Variants in TET2 observed in about 807,000 individuals in gnomAD.
TET2 encodes the protein tet methylcytosine dioxygenase 2, also known as methylcytosine dioxygenase TET2.
TET2 carries 299 observed loss-of-function variants against 142.9 expected under a neutral mutation model. The ratio of observed to expected loss-of-function variants is 2.09; its 90% confidence interval spans 1.90 to 2.30. The LOEUF (loss-of-function observed/expected upper bound fraction) is 2.30, where lower values mean the gene tolerates loss of function less well. TET2 is among the 30% of genes most tolerant of loss of function. The probability of loss-of-function intolerance (pLI) is 0.00; values close to 1 mark genes in which losing one functional copy is unlikely to be tolerated. For synonymous variants in TET2, 819 were observed against 849.0 expected, an observed-to-expected ratio of 0.96 and a Z score of 0.61; for missense variants, 2,418 against 2,378.0, an observed-to-expected ratio of 1.02 and a Z score of -0.35.
chr4:105,237,667 C>T, intron 3 of TET2: 1 of 1,381,718 alleles, frequency 7.2e-7, no homozygotes, highest in East Asian at 2.9e-5. Flanking sequence ...TGTATATTAT[C>T]TCCTGGAGAG....
In TET2 at chr4:105,166,539, A is replaced by G. The variant is rs534539932; in HGVS notation, c.-193+19560A>G. On this transcript the variant is annotated intron_variant, in intron 1 of 10. Transcript: ENST00000380013. The stretch of plus-strand genomic sequence containing the variant: ...TCTCATTTTTCTCCTGGCTATGTCT[A>G]TTATTGCTTTAGTCTCATGTCTTTG... 2.6e-5 allele frequency among the ~76,000 whole-genome samples: 4 copies of G among 151,300 alleles called. No homozygotes were observed. In the South Asian group the frequency reaches 6.2e-4, roughly 24 times the overall value.
intron 1 of TET2, among the ~76,000 whole-genome samples, chr4:105,167,247 G>A (rs1001630061): frequency 2.9e-4 from 44 of 151,486 alleles, no homozygotes; most frequent in Admixed American, 2.0e-3. Context: ...AGCCTATTTC[G>A]TGGCTCAAAT....
intron 1 of TET2, among the ~76,000 whole-genome samples, chr4:105,149,093 T>A (rs1723176560): frequency 6.6e-6 from 1 of 152,238 alleles, no homozygotes; most frequent in African/African-American, 2.4e-5. Flanking sequence ...ATGCTGTTCA[T>A]GGTAAACTAT....
At chr4:105,274,830 A>T (rs554710081) in intron 10 of TET2, among the ~76,000 whole-genome samples, 11 of 149,842 alleles carry the variant, frequency 7.3e-5, no homozygotes, top group African/African-American at 2.7e-4. Context: ...TGTTTATTAC[A>T]TTTTTTTTTT....
intron 2 of TET2, among the ~76,000 whole-genome samples, chr4:105,230,673 T>C (rs1189207326): frequency 6.6e-6 from 1 of 152,208 alleles, no homozygotes; most frequent in Admixed American, 6.5e-5. Context: ...TTTTTTAGTA[T>C]GTGGTTATTC....
intron 2 of TET2, among the ~76,000 whole-genome samples, chr4:105,218,299 C>G (rs140817209): frequency 7.8e-4 from 119 of 152,150 alleles, no homozygotes; most frequent in African/African-American, 1.9e-3. Context: ...AAGGACAGTA[C>G]TGATAAGGAG....
Position 105,236,101 on chromosome 4 carries a change from A to C in TET2, c.2159A>C (p.Gln720Pro), listed in dbSNP as rs919320943. The C allele has an allele frequency of 1.9e-6, 3 of 1,614,168 alleles. No homozygotes were observed. Among genetic ancestry groups the C allele is most frequent in the Non-Finnish European group, 2.5e-6 (3 of 1,180,022 alleles). The change falls in exon 3 of 11, where the codon CAA becomes CCA. Residue 720 changes from glutamine (Q) to proline (P), a missense_variant. Gln to Pro is a moderately conservative substitution (Grantham distance 76, BLOSUM62 -1). Coordinates refer to ENST00000380013, the MANE Select transcript of TET2 (RefSeq NM_001127208.3). The stretch of plus-strand genomic sequence containing the variant: ...CCATTTTCAAACTCACACCTTTTGC[A>C]ACATAAGCCTCATAAACAGGCAGCA... Reference protein sequence around the residue: ...TEPFSNSHLLQHKPHKQAAQT... With the variant: ...TEPFSNSHLLPHKPHKQAAQT...
chr4:105,235,475 C>T lies in TET2; in HGVS notation c.1533C>T (p.His511=). The T allele has an allele frequency of 3.7e-6, 6 of 1,614,160 alleles. No homozygotes were observed. The highest frequency in any genetic ancestry group is 5.1e-6 in the Non-Finnish European group (6 of 1,180,022). Reference sequence around the variant, plus strand: ...AGAAAACAAGACCAATGTCAGAACACCTCAAGCATAACCCACCAATTTTTG... The same window carrying T: ...AGAAAACAAGACCAATGTCAGAACATCTCAAGCATAACCCACCAATTTTTG... ...CSEKTRPMSE[H]LKHNPPIFGS... Residue 511 remains histidine, a synonymous_variant, in exon 3 of 11, where the codon CAC becomes CAT. Coordinates refer to ENST00000380013, the MANE Select transcript of TET2 (RefSeq NM_001127208.3).
At chr4:105,227,761 G>C (rs1205126902) in intron 2 of TET2, among the ~76,000 whole-genome samples, 2 of 152,010 alleles carry the variant, frequency 1.3e-5, no homozygotes, top group African/African-American at 2.4e-5. Flanking sequence ...ATATTTATCT[G>C]AAAAACAGTT....
intron 1 of TET2, among the ~76,000 whole-genome samples, chr4:105,152,594 CTTTCTTT>C: frequency 1.0e-5 from 1 of 95,320 alleles, no homozygotes; most frequent in Admixed American, 1.2e-4. Flanking sequence ...TTCTTTCTTT[CTTTCTTT>C]TTTTTTTTTT....
At chr4:105,253,788 A>G (rs142733649) in intron 6 of TET2, among the ~76,000 whole-genome samples, 216 of 152,224 alleles carry the variant, frequency 1.4e-3, no homozygotes, top group Non-Finnish European at 2.4e-3. Flanking sequence ...TTTACATTAA[A>G]TATGTTAGCT....
At chr4:105,249,545 T>C (rs1345932054) in intron 6 of TET2, among the ~76,000 whole-genome samples, 1 of 152,244 alleles carries the variant, frequency 6.6e-6, no homozygotes, top group Non-Finnish European at 1.5e-5. Flanking sequence ...AGTAGCTTTA[T>C]GCTTTTACAT....
At position 105,262,881 on chromosome 4, in the gene TET2, CA is replaced by C. The variant is rs34819518; in HGVS notation, c.4044+1048del. Among the ~76,000 whole-genome samples, 1,290 of 133,550 alleles carry C rather than the reference CA, an allele frequency of 9.7e-3. 5 individuals carry two copies. The highest frequency in any genetic ancestry group is 9.6e-3 in the African/African-American group (353 of 36,626). 87.6% of individuals were successfully genotyped at this position (133,550 alleles called of 152,430 possible). On this transcript the variant is annotated intron_variant, in intron 8 of 10. Transcript: ENST00000380013. ...AGGCAACAAGAGCGAAACTCCATCT[CA>C]AAAAAAAAAAAAAATTCATCTTTAA...
chr4:105,181,009 A>G (rs1725091031), intron 1 of TET2, among the ~76,000 whole-genome samples: 1 of 152,152 alleles, frequency 6.6e-6, no homozygotes, highest in South Asian at 2.1e-4. Context: ...CTAATTATGT[A>G]CTGTCCTAGT....
At chr4:105,161,975 CTT>C (rs1443584531) in intron 1 of TET2, among the ~76,000 whole-genome samples, 1 of 152,128 alleles carries the variant, frequency 6.6e-6, no homozygotes, top group Non-Finnish European at 1.5e-5. Context: ...GCTGAATCCT[CTT>C]TGGTAGAAAT....
chr4:105,244,597 T>G lies in TET2; in HGVS notation c.3803+819T>G, dbSNP rs1013324521. The stretch of plus-strand genomic sequence containing the variant: ...TGCTACACAGAAATGTTTTTTTTTT[T>G]TTTTTTTTTTTTTTTGAGATGGAGT... On this transcript the variant is annotated intron_variant, in intron 6 of 10. Coordinates refer to ENST00000380013, the MANE Select transcript of TET2 (RefSeq NM_001127208.3). Among the ~76,000 whole-genome samples, 9 of 117,106 alleles carry G rather than the reference T, an allele frequency of 7.7e-5. 1 individual carries two copies. Among genetic ancestry groups the G allele is most frequent in the African/African-American group, 2.5e-4 (9 of 35,580 alleles). 76.8% of individuals were successfully genotyped at this position (117,106 alleles called of 152,430 possible).
chr4:105,234,159 C>T lies in TET2; in HGVS notation c.217C>T (p.Arg73Cys), dbSNP rs368320100. The part of the protein sequence containing the change: ...IPCMKGSQNS[R>C]VSPDFTQESR... ...CTGTATGAAGGGAAGCCAGAATAGT[C>T]GTGTGAGTCCTGACTTTACACAAGA... Residue 73 changes from arginine (R) to cysteine (C), a missense_variant, in exon 3 of 11, where the codon CGT (arginine) becomes TGT (cysteine). Physicochemically the swap from Arg to Cys is radical, Grantham distance 180. Transcript: ENST00000380013. The T allele has an allele frequency of 6.2e-6, 10 of 1,613,982 alleles. No homozygotes were observed. The highest frequency in any genetic ancestry group is 4.5e-5 in the East Asian group (2 of 44,880).
chr4:105,184,099 T>A (rs1293515324), intron 1 of TET2, among the ~76,000 whole-genome samples: 1 of 152,206 alleles, frequency 6.6e-6, no homozygotes, highest in Non-Finnish European at 1.5e-5. Context: ...AGTGTCAGAA[T>A]GTCGTGAAAA....
rs189974311 is a variant in TET2, at chr4:105,243,008, C to G, written c.3594+81C>G. On this transcript the variant is annotated intron_variant, in intron 5 of 10. Transcript: ENST00000380013. ...AATCTGACCCTGAGAATTGGGTTAC[C>G]CAGATCAAAGACTCATGCCAGTTAA... The G allele has an allele frequency of 7.7e-6, 9 of 1,164,808 alleles. No homozygotes were observed. The East Asian group carries it at 1.8e-4, about 23-fold the overall frequency. 72.2% of individuals were successfully genotyped at this position (1,164,808 alleles called of 1,614,324 possible).
Sources: allele counts gnomAD v4.1 joint callset (sites outside exome capture counted in the v4.1 genomes callset), GRCh38; gene constraint gnomAD v4.1.1; transcripts MANE v1.5; gene names NCBI Gene and HGNC (gene_info 2026-07-23, HGNC 2026-07-21).